CARM1: variants seen among roughly 807,000 people sequenced by gnomAD.
CARM1 encodes histone-arginine methyltransferase CARM1.
A neutral mutation model predicts 72.7 loss-of-function variants in CARM1; 14 were observed. The ratio of observed to expected loss-of-function variants is 0.19; its 90% CI spans 0.13 to 0.30. CARM1 has a LOEUF of 0.30. Ranked by LOEUF, CARM1 falls within the 10% of genes least tolerant of loss-of-function variation. The pLI, the probability that CARM1 is intolerant of heterozygous loss-of-function variation, is 1.00. For synonymous variants in CARM1, 333 were observed against 345.5 expected, an observed-to-expected ratio of 0.96 and a Z score of 0.40; for missense variants, 432 against 833.7, an observed-to-expected ratio of 0.52 and a Z score of 5.93.
chr19:10,902,683 A>G (rs1233073679), intron 1 of CARM1, among the ~76,000 whole-genome samples: 2 of 149,148 alleles, frequency 1.3e-5, no homozygotes, highest in African/African-American at 5.0e-5. Context: ...ATCTCTGCTC[A>G]CTGCAGTGTC....
At chr19:10,911,873 G>GC (rs1298513399) in intron 4 of CARM1, among the ~76,000 whole-genome samples, 1 of 152,314 alleles carries the variant, frequency 6.6e-6, no homozygotes, top group South Asian at 2.1e-4. Flanking sequence ...AACTGCGGAG[G>GC]CCCCGGAAAA....
chr19:10,880,369 A>T (rs1186833888), intron 1 of CARM1, among the ~76,000 whole-genome samples: 1 of 151,734 alleles, frequency 6.6e-6, no homozygotes, highest in Non-Finnish European at 1.5e-5. Flanking sequence ...TTTTTGAGAC[A>T]GGGTCTTGCT....
Position 10,922,265 on chromosome 19 carries a change from G to T in CARM1, c.*508G>T, listed in dbSNP as rs1253021760. 1 of 152,646 alleles carries T rather than the reference G, an allele frequency of 6.6e-6. No individual in the cohort carries two copies. Among genetic ancestry groups the T allele is most frequent in the Non-Finnish European group, 1.5e-5 (1 of 68,056 alleles). The allele number at this position is 152,646 out of a possible 1,614,324, so 9.5% of individuals were successfully genotyped here. On this transcript the variant is annotated 3_prime_UTR_variant, in exon 16 of 16. Coordinates refer to ENST00000327064, the MANE Select transcript of CARM1 (RefSeq NM_199141.2). ...GCAGACCCTCTGTGAAGCCAGGCCG[G>T]CCGGGCCGAGCCAGCAGCCCCTCTC...
Position 10,920,764 on chromosome 19 carries a change from T to G in CARM1, c.1424+16T>G, listed in dbSNP as rs2074236230. 6.2e-7 allele frequency: 1 copy of G among 1,613,444 alleles called. No individual in the cohort carries two copies. The highest frequency in any genetic ancestry group is 1.3e-5 in the African/African-American group (1 of 75,024). On this transcript the variant is annotated intron_variant, in intron 12 of 15. Transcript: ENST00000327064. This position sits in a 1 kb window ranked among gnomAD's most constrained non-coding sequence, Gnocchi z 5.3. ...CCTTCTTTAGGTAGGAGGGGCCCCT[T>G]GCCTGCACAGGGGGGCGCCCCGGCC...
At chr19:10,889,983 G>A (rs923965148) in intron 1 of CARM1, among the ~76,000 whole-genome samples, 19 of 152,200 alleles carry the variant, frequency 1.2e-4, no homozygotes, top group Non-Finnish European at 1.3e-4. Flanking sequence ...AACCTGTAAA[G>A]CTTAAACTTT....
At position 10,921,101 on chromosome 19, in the gene CARM1, T is replaced by C; in HGVS notation, c.1589T>C (p.Val530Ala). 12 of 1,614,108 alleles carry C rather than the reference T, an allele frequency of 7.4e-6. No individual in the cohort carries two copies. The highest frequency in any genetic ancestry group is 1.0e-5 in the Non-Finnish European group (12 of 1,179,958). ...LSSVIASGSS[V>A]GHNNLIPLAN... ...AGTGTTATTGCCAGTGGCTCCAGCG[T>C]GGGCCACAACAACCTGATTCCTTTA... Residue 530 changes from valine to alanine, a missense_variant, in exon 14 of 16, where the codon GTG becomes GCG. By Grantham distance (64) the Val-to-Ala change is moderately conservative. Coordinates refer to ENST00000327064, the MANE Select transcript of CARM1 (RefSeq NM_199141.2).
chr19:10,885,151 C>T (rs1261857841), intron 1 of CARM1, among the ~76,000 whole-genome samples: 1 of 152,232 alleles, frequency 6.6e-6, no homozygotes, highest in African/African-American at 2.4e-5. Flanking sequence ...TAGGTTTGTT[C>T]AGTGGGACAG....
At chr19:10,897,393 G>A (rs2074032201) in intron 1 of CARM1, among the ~76,000 whole-genome samples, 1 of 152,146 alleles carries the variant, frequency 6.6e-6, no homozygotes, top group African/African-American at 2.4e-5. Flanking sequence ...CTGGCTCATG[G>A]CAGCTGGGGG....
At chr19:10,891,980 G>A (rs766717898) in intron 1 of CARM1, among the ~76,000 whole-genome samples, 8 of 152,148 alleles carry the variant, frequency 5.3e-5, no homozygotes, top group Non-Finnish European at 8.8e-5. Flanking sequence ...TTCCAGACAA[G>A]CCCCATGAAT....
In CARM1 at chr19:10,921,430, G is replaced by A. The variant is rs143031242; in HGVS notation, c.1671G>A (p.Thr557=). ...CCCGGATGGGCTCCATAATGAGCACGGGGATTGTCCAAGGTAACGAGGGTG... is the reference window on the plus strand; with the variant it reads ...CCCGGATGGGCTCCATAATGAGCACAGGGATTGTCCAAGGTAACGAGGGTG... ...THSRMGSIMS[T]GIVQGSSGAQ... The change falls in exon 15 of 16, where the codon ACG becomes ACA. Residue 557 remains threonine (T), a synonymous_variant. Coordinates refer to ENST00000327064, the MANE Select transcript of CARM1 (RefSeq NM_199141.2). 73 of 1,609,694 alleles carry A rather than the reference G, an allele frequency of 4.5e-5. No individual in the cohort carries two copies. In the African/African-American group the frequency reaches 4.7e-4, roughly 10 times the overall value.
chr19:10,921,956 G>T lies in CARM1; in HGVS notation c.*199G>T. 1 of 539,386 alleles carries T rather than the reference G, an allele frequency of 1.9e-6. No individual in the cohort carries two copies. The highest frequency in any genetic ancestry group is 3.2e-5 in the East Asian group (1 of 30,854). 33.4% of individuals were successfully genotyped at this position (539,386 alleles called of 1,614,324 possible). A position where few individuals can be genotyped will look rare whatever the true frequency, so the allele number is the denominator to read the frequency against. On this transcript the variant is annotated 3_prime_UTR_variant, in exon 16 of 16. Coordinates refer to ENST00000327064, the MANE Select transcript of CARM1 (RefSeq NM_199141.2). ...ACCCCCACCTCCCGGCCCTGAGCGT[G>T]TGTCGCTGCCATATTTTACACAAAA... is the stretch of plus-strand genomic sequence containing the variant.
intron 1 of CARM1, among the ~76,000 whole-genome samples, chr19:10,876,935 C>G (rs1046389580): frequency 3.9e-5 from 6 of 152,258 alleles, no homozygotes; most frequent in African/African-American, 1.2e-4. Flanking sequence ...TTTAGACTCT[C>G]CCATCCCCTT....
At chr19:10,883,648 G>T (rs2073918458) in intron 1 of CARM1, among the ~76,000 whole-genome samples, 1 of 152,150 alleles carries the variant, frequency 6.6e-6, no homozygotes, top group South Asian at 2.1e-4. Flanking sequence ...TGAAATCCTG[G>T]GCTCAAGCAA....
rs1475851532 is a variant in CARM1 at position 10,921,952 on chromosome 19, G to A, written c.*195G>A. ...CCTAACCCCCACCTCCCGGCCCTGA[G>A]CGTGTGTCGCTGCCATATTTTACAC... is the stretch of plus-strand genomic sequence containing the variant. On this transcript the variant is annotated 3_prime_UTR_variant, in exon 16 of 16. Coordinates refer to ENST00000327064, the MANE Select transcript of CARM1 (RefSeq NM_199141.2). 1.3e-5 allele frequency: 7 copies of A among 546,240 alleles called. No homozygotes were observed. Among genetic ancestry groups the A allele is most frequent in the South Asian group, 9.9e-5 (4 of 40,370 alleles). 33.8% of individuals were successfully genotyped at this position (546,240 alleles called of 1,614,324 possible). A position where few individuals can be genotyped will look rare whatever the true frequency, so the allele number is the denominator to read the frequency against.
intron 8 of CARM1, among the ~76,000 whole-genome samples, chr19:10,918,539 C>T (rs1448628783): frequency 6.6e-6 from 1 of 152,134 alleles, no homozygotes; most frequent in Non-Finnish European, 1.5e-5. Context: ...CTCTTATTAG[C>T]GGCTTTCTGC....
chr19:10,902,782 A>G (rs1407704438), intron 1 of CARM1, among the ~76,000 whole-genome samples: 3 of 151,176 alleles, frequency 2.0e-5, no homozygotes, highest in African/African-American at 7.3e-5. Flanking sequence ...TAATATTTTT[A>G]TATTTTTAGT....
chr19:10,884,018 T>TG (rs1168399112), intron 1 of CARM1, among the ~76,000 whole-genome samples: 8 of 145,818 alleles, frequency 5.5e-5, no homozygotes, highest in Non-Finnish European at 1.2e-4. Flanking sequence ...ACTCTGTTTT[T>TG]TTTTTTTTTT....
intron 1 of CARM1, among the ~76,000 whole-genome samples, chr19:10,889,244 TGTTCC>T (rs889248013): frequency 1.3e-5 from 2 of 152,080 alleles, no homozygotes; most frequent in African/African-American, 2.4e-5. Context: ...CAGACACCTC[TGTTCC>T]GTAGGTGGCT....
chr19:10,873,802 G>A (rs2073840824), intron 1 of CARM1, among the ~76,000 whole-genome samples: 1 of 151,462 alleles, frequency 6.6e-6, no homozygotes, highest in Non-Finnish European at 1.5e-5. Context: ...GCCATGCCCG[G>A]CTAATTTTTT....
Sources: gnomAD v4.1 joint callset for allele counts (sites outside exome capture counted in the v4.1 genomes callset) on GRCh38, gnomAD v4.1.1 for gene constraint, Gnocchi (gnomAD v3.1) non-coding constraint, MANE v1.5 for transcripts, NCBI Gene and HGNC (gene_info 2026-07-23, HGNC 2026-07-21) for gene names.